The following ANKRD30B variants were observed in gnomAD, a reference collection of about 807,000 sequenced individuals.
ANKRD30B encodes the protein ankyrin repeat domain 30B, also known as ankyrin repeat domain-containing protein 30B.
In ANKRD30B, 144 loss-of-function variants were observed where a neutral mutation model predicts 202.2. That is an observed-to-expected ratio of 0.71 (90% CI 0.62 to 0.82). The LOEUF (loss-of-function observed/expected upper bound fraction) is 0.82. ANKRD30B is among the 40% of genes least tolerant of loss of function. ANKRD30B has a pLI of 0.00. For synonymous variants in ANKRD30B, 508 were observed against 561.3 expected (o/e 0.91, Z 1.34); for missense variants, 1,487 against 1,669.1 (o/e 0.89, Z 1.90).
chr18:14,919,643 C>T, the ANKRD30B span, among the ~76,000 whole-genome samples: 21 of 152,166 alleles, frequency 1.4e-4, no homozygotes, highest in Non-Finnish European at 2.4e-4. Context: ...CTGCCATGTC[C>T]GTTGTAAAAT....
chr18:14,796,553 C>G, intron 18 of ANKRD30B, 138 bp downstream of exon 18: 3 of 1,163,146 alleles, frequency 2.6e-6, no homozygotes, highest in East Asian at 5.2e-5. Flanking sequence ...CCAATGTTAG[C>G]ATTTATGTTT....
chr18:14,748,459 G>A lies in ANKRD30B; in HGVS notation c.40G>A (p.Gly14Ser), dbSNP rs759942555. The change falls in exon 1 of 44, where the codon GGC becomes AGC. Residue 14 changes from glycine (G) to serine (S), a missense_variant. Coordinates refer to ENST00000690538, the MANE Select transcript of ANKRD30B (RefSeq NM_001367607.2). ...AGCTGCCGCTGGCAAGGGCGTGCGG[G>A]GCCCGGAGCCCCCGAACCCCTTCAG... ...LLAAAGKGVR[G>S]PEPPNPFSER... 2.6e-5 allele frequency: 40 copies of A among 1,536,390 alleles called. No homozygotes were observed. Among genetic ancestry groups the A allele is most frequent in the Non-Finnish European group, 3.1e-5 (35 of 1,139,102 alleles).
At chr18:14,832,391 G>T (rs1390769663) in intron 34 of ANKRD30B, among the ~76,000 whole-genome samples, 1 of 152,082 alleles carries the variant, frequency 6.6e-6, no homozygotes, top group African/African-American at 2.4e-5. Context: ...ATAAGCATAT[G>T]GTAAGATTTT....
At chr18:14,807,243 G>A (rs1340813235) in intron 24 of ANKRD30B, among the ~76,000 whole-genome samples, 2 of 150,914 alleles carry the variant, frequency 1.3e-5, no homozygotes, top group African/African-American at 4.9e-5. Context: ...TAAGCATGTT[G>A]TATTCATATT....
chr18:14,784,315 TA>T lies in ANKRD30B; in HGVS notation c.1571-18del. 1 of 1,609,328 alleles carries T rather than the reference TA, an allele frequency of 6.2e-7. No individual in the cohort carries two copies. On this transcript the variant is annotated intron_variant, in intron 12 of 43. Transcript: ENST00000690538. ...TGTCATATTTACTTATGATTGATGA[TA>T]AATCTCTTTTGCATTTTAGAGCTTC...
chr18:14,797,731 T>C, intron 19 of ANKRD30B, 42 bp downstream of exon 19: 3 of 1,606,564 alleles, frequency 1.9e-6, no homozygotes, highest in Non-Finnish European at 2.6e-6. Flanking sequence ...TAACTACATA[T>C]TTTTGAAGTG....
the ANKRD30B span, among the ~76,000 whole-genome samples, chr18:14,900,495 C>T: frequency 5.3e-5 from 8 of 152,240 alleles, no homozygotes; most frequent in South Asian, 2.1e-4. Context: ...AAGCTTATGA[C>T]GGTATAATGT....
intron 8 of ANKRD30B, 83 bp downstream of exon 8, chr18:14,769,456 C>T: frequency 9.1e-7 from 1 of 1,103,786 alleles, no homozygotes; most frequent in Non-Finnish European, 1.3e-6. Context: ...GAGTATTCTA[C>T]TCTGGGCTAG....
chr18:14,909,571 T>A, the ANKRD30B span, among the ~76,000 whole-genome samples: 1 of 152,008 alleles, frequency 6.6e-6, no homozygotes, highest in African/African-American at 2.4e-5. Context: ...CCATTCTAGC[T>A]ATTTTTTTGT....
At chr18:14,879,795 C>G in the ANKRD30B span, among the ~76,000 whole-genome samples, 1 of 149,342 alleles carries the variant, frequency 6.7e-6, no homozygotes, top group Non-Finnish European at 1.5e-5. Flanking sequence ...GGTTAAGGGT[C>G]AGGGTCAGGG....
chr18:14,921,359 T>C, the ANKRD30B span, among the ~76,000 whole-genome samples: 151 of 141,142 alleles, frequency 1.1e-3, no homozygotes, highest in African/African-American at 3.9e-3. Context: ...TGTTTAGATA[T>C]AATTGCCTGT....
the ANKRD30B span, among the ~76,000 whole-genome samples, chr18:14,934,994 G>T: frequency 2.7e-5 from 4 of 150,862 alleles, no homozygotes; most frequent in African/African-American, 9.8e-5. Flanking sequence ...ACCCTCCCAG[G>T]CCCCCTCACA....
chr18:14,770,993 CTT>C (rs1379401269), intron 8 of ANKRD30B, among the ~76,000 whole-genome samples: 1 of 152,120 alleles, frequency 6.6e-6, no homozygotes, highest in Non-Finnish European at 1.5e-5. Context: ...CCCTTTGTCT[CTT>C]TTCCCAAGCC....
intron 14 of ANKRD30B, among the ~76,000 whole-genome samples, chr18:14,786,404 A>G (rs994283120): frequency 6.6e-6 from 1 of 152,188 alleles, no homozygotes; most frequent in African/African-American, 2.4e-5. Context: ...ATATTGTTGC[A>G]TTAGGGAAGC....
intron 32 of ANKRD30B, among the ~76,000 whole-genome samples, chr18:14,823,965 C>T (rs932800564): frequency 1.3e-5 from 2 of 152,036 alleles, no homozygotes; most frequent in African/African-American, 4.8e-5. Context: ...GTGAGACTCC[C>T]ATCTCAAAAA....
chr18:14,938,051 C>T, the ANKRD30B span, among the ~76,000 whole-genome samples: 1 of 152,120 alleles, frequency 6.6e-6, no homozygotes, highest in Admixed American at 6.6e-5. Flanking sequence ...GCTCATCTTC[C>T]CAGGTATGAA....
At chr18:14,804,444 G>A (rs1969372404) in intron 24 of ANKRD30B, among the ~76,000 whole-genome samples, 1 of 142,604 alleles carries the variant, frequency 7.0e-6, no homozygotes, top group Non-Finnish European at 1.5e-5. Flanking sequence ...TAGACCGTAA[G>A]TTTTCAAACT....
At chr18:14,791,548 G>C in intron 16 of ANKRD30B, 57 bp downstream of exon 16, 1 of 1,370,384 alleles carries the variant, frequency 7.3e-7, no homozygotes, top group Non-Finnish European at 1.0e-6. Flanking sequence ...CTAAACTGAT[G>C]AGGAAGGATA....
At chr18:14,835,324 T>TGTC (rs1446967354) in intron 34 of ANKRD30B, among the ~76,000 whole-genome samples, 1 of 151,504 alleles carries the variant, frequency 6.6e-6, no homozygotes, top group African/African-American at 2.4e-5. Flanking sequence ...TCAATTGTTT[T>TGTC]AAAGTAAAGT....
Sources: allele counts gnomAD v4.1 joint callset (sites outside exome capture counted in the v4.1 genomes callset), GRCh38; gene constraint gnomAD v4.1.1; transcripts MANE v1.5; gene names NCBI Gene and HGNC (gene_info 2026-07-23, HGNC 2026-07-21).